The following RORA variants were observed in gnomAD, a reference collection of about 807,000 sequenced individuals.
The protein encoded by RORA is nuclear receptor ROR-alpha.
In RORA, 7 loss-of-function variants were observed where a neutral mutation model predicts 69.5. The ratio of observed to expected loss-of-function variants is 0.10; its 90% CI spans 0.06 to 0.19. The LOEUF (loss-of-function observed/expected upper bound fraction) is 0.19, where lower values mean the gene tolerates loss of function less well. RORA is among the 10% of genes least tolerant of loss of function. RORA has a pLI of 1.00. For synonymous variants in RORA, 261 were observed against 240.8 expected (o/e 1.08, Z -0.78); for missense variants, 457 against 663.0 (o/e 0.69, Z 3.41).
chr15:60,659,449 A>G (rs1056729514), intron 2 of RORA, among the ~76,000 whole-genome samples: 1 of 152,178 alleles, frequency 6.6e-6, no homozygotes, highest in African/African-American at 2.4e-5. Flanking sequence ...AAAACATGGG[A>G]AAAAATTTAA....
At chr15:60,563,847 A>T (rs2067644701) in intron 2 of RORA, among the ~76,000 whole-genome samples, 1 of 151,994 alleles carries the variant, frequency 6.6e-6, no homozygotes, top group Admixed American at 6.5e-5. Context: ...AAGTACACAC[A>T]CAGGTAGCGA....
At chr15:60,709,023 C>A (rs1346911591) in intron 1 of RORA, among the ~76,000 whole-genome samples, 1 of 152,166 alleles carries the variant, frequency 6.6e-6, no homozygotes, top group Non-Finnish European at 1.5e-5. Context: ...CCTAGGGAAG[C>A]TCCTGAGCCC....
At chr15:61,199,560 G>C (rs2079876459) in intron 1 of RORA, among the ~76,000 whole-genome samples, 1 of 152,202 alleles carries the variant, frequency 6.6e-6, no homozygotes, top group Non-Finnish European at 1.5e-5. Context: ...CCTGCCCTGG[G>C]TGATTTGTTT....
intron 2 of RORA, among the ~76,000 whole-genome samples, chr15:60,571,323 T>TTGTG (rs370278407): frequency 5.9e-5 from 9 of 151,458 alleles, no homozygotes; most frequent in African/African-American, 1.7e-4. Flanking sequence ...TCCTGTGTTT[T>TTGTG]TGTGTGTGTG....
intron 1 of RORA, among the ~76,000 whole-genome samples, chr15:61,109,139 T>C (rs913865189): frequency 6.6e-6 from 1 of 152,178 alleles, no homozygotes; most frequent in Non-Finnish European, 1.5e-5. Flanking sequence ...GAGGTTGCAG[T>C]GAGCCTAGAT....
chr15:60,765,003 C>T (rs2071963502), intron 1 of RORA: 1 of 151,974 alleles, frequency 6.6e-6, no homozygotes, highest in African/African-American at 2.4e-5. Context: ...CAAAGGACAG[C>T]ATCATGTGTT....
At chr15:60,945,853 C>T (rs751747172) in intron 1 of RORA, among the ~76,000 whole-genome samples, 1 of 152,218 alleles carries the variant, frequency 6.6e-6, no homozygotes, top group Non-Finnish European at 1.5e-5. Context: ...AGCAAGCTAA[C>T]CTATCAACCT....
chr15:61,080,592 G>A (rs966096316), intron 1 of RORA, among the ~76,000 whole-genome samples: 5 of 152,158 alleles, frequency 3.3e-5, no homozygotes, highest in East Asian at 1.9e-4. Context: ...TCTTGTGCCT[G>A]GTATCATTAA....
intron 1 of RORA, among the ~76,000 whole-genome samples, chr15:61,050,829 C>A (rs1897256594): frequency 6.6e-6 from 1 of 152,110 alleles, no homozygotes; most frequent in Non-Finnish European, 1.5e-5. Flanking sequence ...CTATTATTAT[C>A]CCAGTTTATG....
rs1008279220 is a variant in RORA, at chr15:60,721,930, G to A, written c.167-43244C>T. ...TTTTACTCAAGGACTCGCCCTAGAC[G>A]GCGTGCAACCAACCCTTTAGAAACA... is the stretch of plus-strand genomic sequence containing the variant. On this transcript the variant is annotated intron_variant, in intron 1 of 10. Transcript: ENST00000335670. Among the ~76,000 whole-genome samples, 7 of 152,204 alleles carry A rather than the reference G, an allele frequency of 4.6e-5. 1 individual carries two copies. The South Asian group carries it at 1.2e-3, about 27-fold the overall frequency.
intron 2 of RORA, among the ~76,000 whole-genome samples, chr15:60,674,146 G>A (rs1466340641): frequency 6.6e-6 from 1 of 152,122 alleles, no homozygotes; most frequent in Non-Finnish European, 1.5e-5. Context: ...GGGTTGCCAC[G>A]GAAACCTACT....
At chr15:61,190,456 A>G (rs543770635) in intron 1 of RORA, among the ~76,000 whole-genome samples, 1 of 152,190 alleles carries the variant, frequency 6.6e-6, no homozygotes, top group East Asian at 1.9e-4. Flanking sequence ...GAGATAGATT[A>G]CATAAAGAGT....
intron 1 of RORA, among the ~76,000 whole-genome samples, chr15:60,990,744 T>C (rs967083669): frequency 2.0e-5 from 3 of 152,134 alleles, no homozygotes; most frequent in African/African-American, 7.2e-5. Flanking sequence ...AGCATGAGTT[T>C]TCCAGGGTTC....
At chr15:60,818,020 C>T (rs144922591) in intron 1 of RORA, among the ~76,000 whole-genome samples, 11 of 151,654 alleles carry the variant, frequency 7.3e-5, no homozygotes, top group East Asian at 1.9e-4. Flanking sequence ...GTGAGTAATA[C>T]GGATGAAGAA....
At chr15:60,693,943 T>G (rs989469306) in intron 1 of RORA, among the ~76,000 whole-genome samples, 1 of 152,122 alleles carries the variant, frequency 6.6e-6, no homozygotes, top group African/African-American at 2.4e-5. Flanking sequence ...TAGAAAAAAC[T>G]ACTTTAAAAT....
chr15:61,023,684 G>T (rs1482105557), intron 1 of RORA, among the ~76,000 whole-genome samples: 1 of 152,184 alleles, frequency 6.6e-6, no homozygotes, highest in African/African-American at 2.4e-5. Flanking sequence ...CCAGGTAACA[G>T]CTTTGGATAT....
intron 2 of RORA, among the ~76,000 whole-genome samples, chr15:60,616,234 G>A (rs34887501): frequency 0.099 from 15,135 of 152,256 alleles, 793 homozygotes; most frequent in Non-Finnish European, 0.12. Flanking sequence ...GCAGTGTTAA[G>A]CAATTTGATA....
intron 1 of RORA, among the ~76,000 whole-genome samples, chr15:60,859,869 G>C (rs1009703112): frequency 6.6e-6 from 1 of 151,866 alleles, no homozygotes; most frequent in South Asian, 2.1e-4. Context: ...CATAGCAAAC[G>C]AGCTGAGGAA....
chr15:60,941,153 G>A (rs1324264920), intron 1 of RORA, among the ~76,000 whole-genome samples: 2 of 152,186 alleles, frequency 1.3e-5, no homozygotes, highest in Non-Finnish European at 2.9e-5. Context: ...TTATGGCATG[G>A]TGATAAGCTA....
Sources: gnomAD v4.1 joint callset for allele counts (sites outside exome capture counted in the v4.1 genomes callset) on GRCh38, gnomAD v4.1.1 for gene constraint, MANE v1.5 for transcripts, NCBI Gene and HGNC (gene_info 2026-07-23, HGNC 2026-07-21) for gene names.